The following PDE10A variants were observed in gnomAD, a reference collection of about 807,000 sequenced individuals.
The protein encoded by PDE10A is phosphodiesterase 10A.
Under a neutral mutation model 97.7 loss-of-function variants are expected in PDE10A, and 39 were observed. The observed-to-expected ratio is 0.40, with a 90% CI of 0.31 to 0.52. PDE10A has a LOEUF of 0.52. Among genes scored for constraint, PDE10A ranks in the 20% least tolerant of loss-of-function variants. PDE10A has a pLI of 0.56. For missense variants in PDE10A, 731 were observed against 1,047.8 expected (o/e 0.70, Z 4.17); for synonymous variants, 371 against 376.8 (o/e 0.98, Z 0.18).
At chr6:165,654,205 CTAT>C (rs1789824533) in intron 1 of PDE10A, among the ~76,000 whole-genome samples, 2 of 152,182 alleles carry the variant, frequency 1.3e-5, no homozygotes, top group Non-Finnish European at 2.9e-5. Context: ...TCTTCCTAAA[CTAT>C]TAATTTAATT....
At chr6:165,506,341 G>A (rs1422826580) in intron 2 of PDE10A, among the ~76,000 whole-genome samples, 1 of 152,056 alleles carries the variant, frequency 6.6e-6, no homozygotes, top group Non-Finnish European at 1.5e-5. Context: ...TTCTATCTCT[G>A]TAAGCAATGT....
At chr6:165,407,519 T>C (rs1787300719) in intron 13 of PDE10A, among the ~76,000 whole-genome samples, 2 of 151,994 alleles carry the variant, frequency 1.3e-5, no homozygotes, top group African/African-American at 4.8e-5. Flanking sequence ...CAAATAAGAG[T>C]TGTTCTTATC....
intron 1 of PDE10A, among the ~76,000 whole-genome samples, chr6:165,741,745 A>G (rs1792726318): frequency 6.6e-6 from 1 of 152,192 alleles, no homozygotes; most frequent in African/African-American, 2.4e-5. Flanking sequence ...TCTTATTGAG[A>G]GGGAGAGAAA....
At chr6:165,836,832 A>G (rs976761178) in intron 1 of PDE10A, among the ~76,000 whole-genome samples, 2 of 152,150 alleles carry the variant, frequency 1.3e-5, no homozygotes, top group African/African-American at 4.8e-5. Flanking sequence ...GATTAAGAAA[A>G]TGTGGCACAT....
chr6:165,624,458 C>T (rs1406937367), intron 1 of PDE10A, among the ~76,000 whole-genome samples: 2 of 152,226 alleles, frequency 1.3e-5, no homozygotes, highest in Non-Finnish European at 2.9e-5. Flanking sequence ...GAATGTAATT[C>T]GTCAGCTCTG....
rs1215711911 is a variant in PDE10A, at chr6:165,377,631, ATTC to A, written c.2783+1560_2783+1562del. Among the ~76,000 whole-genome samples the A allele has an allele frequency of 6.6e-5, 10 of 152,302 alleles. No individual in the cohort carries two copies. In the East Asian group the frequency reaches 1.9e-3, roughly 29 times the overall value. On this transcript the variant is annotated intron_variant, in intron 18 of 21. Transcript: ENST00000539869. ...CAAGAGGCTGGATACTAGTTACATG[ATTC>A]TTATTTACAACCCCAGAAGAAAAAA...
At chr6:165,569,664 C>T (rs1030964768) in intron 1 of PDE10A, among the ~76,000 whole-genome samples, 1 of 152,134 alleles carries the variant, frequency 6.6e-6, no homozygotes, top group Non-Finnish European at 1.5e-5. Context: ...AACTCATACC[C>T]TCCTCTTAAA....
At position 165,846,510 on chromosome 6, in the gene PDE10A, A is replaced by C. The variant is rs547055116; in HGVS notation, c.-615+141019T>G. On this transcript the variant is annotated intron_variant, in intron 1 of 19. Coordinates refer to the PDE10A transcript ENST00000366882. ...GGCCAGGGGCCAAGAAGGATGTTAG[A>C]GTTAGCGGCTCCGCGTGCTTTCATT... Among the ~76,000 whole-genome samples the C allele has an allele frequency of 9.8e-4, 150 of 152,362 alleles. 1 individual carries two copies. The highest frequency in any genetic ancestry group is 1.1e-3 in the Non-Finnish European group (73 of 68,032).
At chr6:165,726,016 A>G (rs1171919726) in intron 1 of PDE10A, among the ~76,000 whole-genome samples, 1 of 152,220 alleles carries the variant, frequency 6.6e-6, no homozygotes, top group Non-Finnish European at 1.5e-5. Flanking sequence ...TATGCTCATT[A>G]CTAAGAGAAT....
chr6:165,883,047 C>G, intron 1 of PDE10A, among the ~76,000 whole-genome samples: 1 of 151,950 alleles, frequency 6.6e-6, no homozygotes, highest in African/African-American at 2.4e-5. Flanking sequence ...ACCAGCTTGG[C>G]CAAAATGGTG....
intron 1 of PDE10A, among the ~76,000 whole-genome samples, chr6:165,619,730 T>TAGTGTAGTCTAGTGC (rs796134021): frequency 0.17 from 25,568 of 148,146 alleles, 3,485 homozygotes; most frequent in African/African-American, 0.37. Context: ...CAGTGTAGTG[T>TAGTGTAGTCTAGTGC]AGTGTAGTCT....
intron 1 of PDE10A, among the ~76,000 whole-genome samples, chr6:165,668,394 C>T (rs897413578): frequency 2.6e-5 from 4 of 152,172 alleles, no homozygotes; most frequent in African/African-American, 4.8e-5. Context: ...AGTGCCTACA[C>T]GAATTACTAT....
intron 2 of PDE10A, among the ~76,000 whole-genome samples, chr6:165,542,425 A>G (rs1278784110): frequency 1.3e-5 from 2 of 151,778 alleles, no homozygotes; most frequent in East Asian, 1.9e-4. Context: ...AACAGTCTCC[A>G]TTAAAAATAC....
At chr6:165,829,759 C>T (rs1000849930) in intron 1 of PDE10A, among the ~76,000 whole-genome samples, 3 of 152,210 alleles carry the variant, frequency 2.0e-5, no homozygotes, top group Admixed American at 1.3e-4. Context: ...TGAGCCCTCT[C>T]CTGCTGGTAT....
chr6:165,708,753 C>T (rs10455960), intron 1 of PDE10A, among the ~76,000 whole-genome samples: 38,316 of 108,950 alleles, frequency 0.35, 8,460 homozygotes, highest in African/African-American at 0.4. Flanking sequence ...TCTCCACCGC[C>T]ATGCTGCCAC....
At chr6:165,704,401 A>T (rs1791657406) in intron 1 of PDE10A, among the ~76,000 whole-genome samples, 1 of 152,188 alleles carries the variant, frequency 6.6e-6, no homozygotes, top group Admixed American at 6.5e-5. Flanking sequence ...CTGAGATAAC[A>T]TCAGCAAAAA....
intron 1 of PDE10A, among the ~76,000 whole-genome samples, chr6:165,796,150 C>T (rs1334006364): frequency 4.6e-5 from 6 of 131,172 alleles, no homozygotes; most frequent in African/African-American, 1.8e-4. Context: ...GGCCGGAGTG[C>T]AGTGCCGCAA....
At chr6:165,506,252 G>A (rs1036309067) in intron 2 of PDE10A, among the ~76,000 whole-genome samples, 5 of 151,918 alleles carry the variant, frequency 3.3e-5, no homozygotes, top group East Asian at 1.9e-4. Flanking sequence ...TTGAATACAC[G>A]TATAACATTT....
At chr6:165,789,678 C>T (rs749180341) in intron 1 of PDE10A, among the ~76,000 whole-genome samples, 8 of 152,196 alleles carry the variant, frequency 5.3e-5, no homozygotes, top group Non-Finnish European at 8.8e-5. Context: ...GAATGAATTC[C>T]CGTGATAACA....
Sources: allele counts gnomAD v4.1 joint callset (sites outside exome capture counted in the v4.1 genomes callset), GRCh38; gene constraint gnomAD v4.1.1; transcripts MANE v1.5; gene names NCBI Gene and HGNC (gene_info 2026-07-23, HGNC 2026-07-21).